The following RIMS1 variants were observed in gnomAD, a reference collection of about 807,000 sequenced individuals.
RIMS1 encodes the protein regulating synaptic membrane exocytosis 1, also known as regulating synaptic membrane exocytosis protein 1.
In RIMS1, 83 loss-of-function variants were observed where a neutral mutation model predicts 214.1. The ratio of observed to expected loss-of-function variants is 0.39; its 90% confidence interval spans 0.32 to 0.47. RIMS1 has a LOEUF of 0.47. RIMS1 is among the 20% of genes least tolerant of loss of function. RIMS1 has a pLI of 0.99. For synonymous variants in RIMS1, 793 were observed against 786.8 expected, an observed-to-expected ratio of 1.01 and a Z score of -0.13; for missense variants, 2,050 against 2,161.8, an observed-to-expected ratio of 0.95 and a Z score of 1.03.
intron 2 of RIMS1, among the ~76,000 whole-genome samples, chr6:72,052,405 A>G (rs755088941): frequency 1.3e-5 from 2 of 152,222 alleles, no homozygotes; most frequent in Non-Finnish European, 2.9e-5. Context: ...TAGGGACAAG[A>G]GTATTTAGAG....
At chr6:72,204,972 A>G (rs1184639824) in intron 6 of RIMS1, among the ~76,000 whole-genome samples, 10 of 152,108 alleles carry the variant, frequency 6.6e-5, no homozygotes, top group Admixed American at 2.0e-4. Context: ...ATTTGGGAAA[A>G]ATTACTTAGG....
chr6:71,903,671 C>T (rs1296442361), intron 1 of RIMS1, among the ~76,000 whole-genome samples: 1 of 151,888 alleles, frequency 6.6e-6, no homozygotes, highest in Non-Finnish European at 1.5e-5. Flanking sequence ...AAAACAATCA[C>T]TATGTAATCT....
chr6:72,248,243 A>G (rs1194842017), intron 12 of RIMS1, 116 bp downstream of exon 12: 1 of 568,370 alleles, frequency 1.8e-6, no homozygotes, highest in Non-Finnish European at 3.2e-6. Flanking sequence ...GTCATTTAAC[A>G]CCATAATCTA....
chr6:72,356,631 G>T (rs528822735), intron 29 of RIMS1, among the ~76,000 whole-genome samples: 1 of 150,854 alleles, frequency 6.6e-6, no homozygotes, highest in Non-Finnish European at 1.5e-5. Context: ...GTGGTGGCAG[G>T]TACCTGTAAT....
At chr6:71,915,992 C>T (rs1020271030) in intron 1 of RIMS1, among the ~76,000 whole-genome samples, 1 of 152,044 alleles carries the variant, frequency 6.6e-6, no homozygotes, top group Non-Finnish European at 1.5e-5. Context: ...AAAGACCCTC[C>T]CCCATGATTC....
In RIMS1 at chr6:72,094,689, C is replaced by A. The variant is rs114906813; in HGVS notation, c.246-2260C>A. 4.1e-3 allele frequency among the ~76,000 whole-genome samples: 619 copies of A among 152,180 alleles called. 1 individual carries two copies. Among genetic ancestry groups the A allele is most frequent in the African/African-American group, 0.014 (567 of 41,530 alleles). ...AGCAGTTGCAAAAGAAACTACATGA[C>A]CCTCAAAGTCTAAAATATTTACAAT... On this transcript the variant is annotated intron_variant, in intron 2 of 33. Transcript: ENST00000521978.
intron 2 of RIMS1, among the ~76,000 whole-genome samples, chr6:72,088,455 T>C (rs766608077): frequency 7.2e-5 from 11 of 152,010 alleles, no homozygotes; most frequent in Non-Finnish European, 1.5e-4. Context: ...TTCACCATGT[T>C]GGCCCGGCTC....
At chr6:72,192,243 C>T (rs577225303) in intron 6 of RIMS1, among the ~76,000 whole-genome samples, 10 of 152,306 alleles carry the variant, frequency 6.6e-5, no homozygotes, top group African/African-American at 2.2e-4. Context: ...GCTGTGTTCC[C>T]TGGAATCAAT....
Position 72,242,310 on chromosome 6 carries a change from C to CA in RIMS1, c.1958-2dup. On this transcript the variant is annotated splice_polypyrimidine_tract_variant and splice_region_variant and intron_variant, in intron 9 of 33. Transcript: ENST00000521978. ...AAAAAAATACCCTTTTTTTTAAATT[C>CA]AAGGGGATGAAGTTCTAGAATGGAA... 1 of 1,543,126 alleles carries CA rather than the reference C, an allele frequency of 6.5e-7. No individual in the cohort carries two copies. The highest frequency in any genetic ancestry group is 2.4e-5 in the East Asian group (1 of 41,812).
intron 2 of RIMS1, among the ~76,000 whole-genome samples, chr6:72,010,507 G>A (rs1316727791): frequency 6.6e-6 from 1 of 152,148 alleles, no homozygotes; most frequent in Non-Finnish European, 1.5e-5. Flanking sequence ...AGGAAATAAA[G>A]GGTATTCAAT....
intron 29 of RIMS1, among the ~76,000 whole-genome samples, chr6:72,344,367 G>T (rs1434955059): frequency 6.6e-6 from 1 of 151,738 alleles, no homozygotes; most frequent in African/African-American, 2.4e-5. Context: ...GAAGGCTAAG[G>T]TGGTGTCTTT....
intron 2 of RIMS1, among the ~76,000 whole-genome samples, chr6:71,981,495 T>C (rs967945877): frequency 2.0e-5 from 3 of 152,282 alleles, no homozygotes; most frequent in Non-Finnish European, 2.9e-5. Context: ...TTCATTCTAA[T>C]ATGGTAGACA....
At chr6:71,917,111 G>A (rs1391377855) in intron 1 of RIMS1, among the ~76,000 whole-genome samples, 2 of 152,052 alleles carry the variant, frequency 1.3e-5, no homozygotes, top group Non-Finnish European at 2.9e-5. Flanking sequence ...ATGTAAAATG[G>A]TAATAATAAA....
Position 72,157,646 on chromosome 6 carries a change from TCTTTCTGTATC to T in RIMS1, c.472-21925_472-21915del, listed in dbSNP as rs1236962139. Among the ~76,000 whole-genome samples the T allele has an allele frequency of 5.7e-5, 8 of 140,498 alleles. 2 individuals carry two copies. In the East Asian group the frequency reaches 1.6e-3, roughly 28 times the overall value. The allele number at this position is 140,498 out of a possible 152,430, so 92.2% of individuals were successfully genotyped here. A position where few individuals can be genotyped will look rare whatever the true frequency, so the allele number is the denominator to read the frequency against. ...TTTGTATAATATTTCTTTTACTCTA[TCTTTCTGTATC>T]CTTATGTTCTAGTAGTCTTTCTTCT... is the stretch of plus-strand genomic sequence containing the variant. On this transcript the variant is annotated intron_variant, in intron 4 of 33. Transcript: ENST00000521978.
Position 72,179,719 on chromosome 6 carries a change from A to G in RIMS1, c.616A>G (p.Arg206Gly), listed in dbSNP as rs2048176752. The change falls in exon 5 of 34, where the codon AGA becomes GGA. Residue 206 changes from arginine (R) to glycine (G), a missense_variant. Around this residue, in one of 6 missense-constraint regions of RIMS1, gnomAD observed 882 missense variants for 828.9 expected, o/e 1.06. Transcript: ENST00000521978. ...TACAGGTGCTGGCTCTGAGGTACCA[A>G]GAGAAAAGAAAGCACGACTCCAAGA... ...TATGAGSEVP[R>G]EKKARLQERS... 6.2e-7 allele frequency: 1 copy of G among 1,613,930 alleles called. No individual in the cohort carries two copies. The highest frequency in any genetic ancestry group is 2.2e-5 in the East Asian group (1 of 44,874).
intron 28 of RIMS1, among the ~76,000 whole-genome samples, chr6:72,332,465 CAT>C (rs1172185343): frequency 2.9e-5 from 4 of 136,274 alleles, no homozygotes; most frequent in African/African-American, 1.1e-4. Context: ...TGTTCTCACT[CAT>C]AGATGGGAAT....
intron 1 of RIMS1, among the ~76,000 whole-genome samples, chr6:71,925,768 G>T (rs893763834): frequency 1.2e-4 from 19 of 152,278 alleles, no homozygotes; most frequent in African/African-American, 4.6e-4. Context: ...ATTAAAATAG[G>T]ACTTTGTAAA....
At chr6:72,012,013 A>T (rs547570302) in intron 2 of RIMS1, among the ~76,000 whole-genome samples, 1 of 152,236 alleles carries the variant, frequency 6.6e-6, no homozygotes, top group Non-Finnish European at 1.5e-5. Context: ...TCATGCTGCT[A>T]TAAAGACACA....
chr6:72,040,261 C>A (rs1341534755), intron 2 of RIMS1, among the ~76,000 whole-genome samples: 1 of 151,962 alleles, frequency 6.6e-6, no homozygotes, highest in African/African-American at 2.4e-5. Context: ...CCCTGGAAGA[C>A]TAGTGAAGAT....
Sources: allele counts gnomAD v4.1 joint callset (sites outside exome capture counted in the v4.1 genomes callset), GRCh38; gene constraint gnomAD v4.1.1; regional missense constraint gnomAD v4.1.1; transcripts MANE v1.5; gene names NCBI Gene and HGNC (gene_info 2026-07-23, HGNC 2026-07-21).